MED12L: variants seen among roughly 807,000 people sequenced by gnomAD.
MED12L encodes the protein mediator complex subunit 12L.
MED12L carries 60 observed loss-of-function variants against 281.3 expected under a neutral mutation model. The observed-to-expected ratio is 0.21, with a 90% CI of 0.17 to 0.26. MED12L has a LOEUF of 0.26. Among genes scored for constraint, MED12L ranks in the 10% least tolerant of loss-of-function variants. The pLI is 1.00. For synonymous variants in MED12L, 974 were observed against 987.2 expected, an observed-to-expected ratio of 0.99 and a Z score of 0.25; for missense variants, 2,146 against 2,680.9, an observed-to-expected ratio of 0.80 and a Z score of 4.41.
At chr3:151,339,307 C>T (rs563624922) in intron 16 of MED12L, among the ~76,000 whole-genome samples, 90 of 151,444 alleles carry the variant, frequency 5.9e-4, no homozygotes, top group African/African-American at 2.0e-3. Flanking sequence ...ACTGTAGTAC[C>T]GTCAAAACAG....
intron 5 of MED12L, among the ~76,000 whole-genome samples, chr3:151,137,708 T>C (rs780680806): frequency 6.6e-6 from 1 of 152,210 alleles, no homozygotes; most frequent in Non-Finnish European, 1.5e-5. Context: ...AACAATCAAA[T>C]GATTTCTAGT....
intron 2 of MED12L, among the ~76,000 whole-genome samples, chr3:151,090,111 T>G (rs1380439025): frequency 6.6e-6 from 1 of 152,100 alleles, no homozygotes; most frequent in African/African-American, 2.4e-5. Flanking sequence ...ACTCAGCTCT[T>G]CTCACCTTAG....
intron 13 of MED12L, among the ~76,000 whole-genome samples, chr3:151,190,140 C>T (rs1286822683): frequency 6.6e-6 from 1 of 151,376 alleles, no homozygotes; most frequent in Non-Finnish European, 1.5e-5. Context: ...TGCTTTTTTA[C>T]ATTAGTACTT....
At chr3:151,257,154 A>G (rs1251304506) in intron 16 of MED12L, among the ~76,000 whole-genome samples, 1 of 152,208 alleles carries the variant, frequency 6.6e-6, no homozygotes, top group East Asian at 1.9e-4. Flanking sequence ...ACCATTTGGA[A>G]TGATTTTGAA....
At chr3:151,127,660 A>G (rs1263103712) in intron 4 of MED12L, among the ~76,000 whole-genome samples, 165 bp from the exon 5 acceptor site, 1 of 152,224 alleles carries the variant, frequency 6.6e-6, no homozygotes, top group Non-Finnish European at 1.5e-5. Flanking sequence ...TTCCTTTAAA[A>G]AAACAAAAAC....
At chr3:151,198,459 T>C in intron 16 of MED12L, 1 of 1,610,494 alleles carries the variant, frequency 6.2e-7, no homozygotes, top group Non-Finnish European at 8.5e-7. Flanking sequence ...AATTTTTCTT[T>C]CTGAGCCTTG....
At position 151,365,091 on chromosome 3, in the gene MED12L, C is replaced by G; in HGVS notation, c.3070C>G (p.Arg1024Gly). Residue 1024 changes from arginine (R) to glycine (G), a missense_variant, in exon 22 of 45, where the codon CGC becomes GGC. By Grantham distance (125) the Arg-to-Gly change is moderately radical. Transcript: ENST00000687756. ...MMDFIENPSA[R>G]SINYSMLGKI... ...GGATTTTATTGAGAATCCCTCAGCC[C>G]GCAGCATCAACTACTCAATGCTGGG... 1 of 1,614,038 alleles carries G rather than the reference C, an allele frequency of 6.2e-7. No individual in the cohort carries two copies. Among genetic ancestry groups the G allele is most frequent in the South Asian group, 1.1e-5 (1 of 91,078 alleles).
rs188653267 is a variant in MED12L at position 151,368,166 on chromosome 3, C to T, written c.3465C>T (p.Asp1155=). The change falls in exon 25 of 45, where the codon GAC becomes GAT. Residue 1155 remains aspartate, a synonymous_variant. Coordinates refer to ENST00000687756, the MANE Select transcript of MED12L (RefSeq NM_001393769.1). ...CTTTCCTAGCTTGTGGGGATGCGGA[C>T]GCCGAGCCTGGGGCGAGAATGACAT... ...SLLAAACGDA[D]AEPGARMTCR... 3.4e-4 allele frequency: 552 copies of T among 1,613,932 alleles called. 2 individuals are homozygous for T. The highest frequency in any genetic ancestry group is 2.0e-3 in the East Asian group (90 of 44,870).
At chr3:151,288,073 C>T (rs1743772693) in intron 16 of MED12L, among the ~76,000 whole-genome samples, 3 of 152,214 alleles carry the variant, frequency 2.0e-5, no homozygotes, top group African/African-American at 4.8e-5. Flanking sequence ...ATTCTTCTAT[C>T]TTTCCACAAA....
Position 151,435,077 on chromosome 3 carries a change from T to C in MED12L, c.*2273T>C, listed in dbSNP as rs75975383. 5.3e-5 allele frequency: 8 copies of C among 150,918 alleles called. No homozygotes were observed. Among genetic ancestry groups the C allele is most frequent in the South Asian group, 4.2e-4 (2 of 4,794 alleles). The allele number at this position is 150,918 out of a possible 1,614,324, so 9.3% of individuals were successfully genotyped here. ...TGAGAGGTTTCTTTTTTTTTTTTTT[T>C]TTTTTCTTTTCTTGCAAATGCATTC... On this transcript the variant is annotated 3_prime_UTR_variant, in exon 45 of 45. Coordinates refer to ENST00000687756, the MANE Select transcript of MED12L (RefSeq NM_001393769.1).
chr3:151,323,249 C>A (rs1749199493), intron 16 of MED12L, among the ~76,000 whole-genome samples: 1 of 152,198 alleles, frequency 6.6e-6, no homozygotes, highest in South Asian at 2.1e-4. Context: ...TTCTTGCCTG[C>A]ATACATGGAA....
At chr3:151,306,345 A>T (rs1746648778) in intron 16 of MED12L, among the ~76,000 whole-genome samples, 1 of 152,196 alleles carries the variant, frequency 6.6e-6, no homozygotes, top group African/African-American at 2.4e-5. Flanking sequence ...GTTAATAGTC[A>T]CAGTGGAGCT....
At chr3:151,217,200 C>T (rs58321514) in intron 16 of MED12L, among the ~76,000 whole-genome samples, 2 of 152,136 alleles carry the variant, frequency 1.3e-5, no homozygotes, top group East Asian at 3.8e-4. Flanking sequence ...GTAGAAGCCA[C>T]TATTTATAGA....
intron 16 of MED12L, among the ~76,000 whole-genome samples, chr3:151,282,868 T>C (rs574848220): frequency 2.6e-4 from 39 of 152,360 alleles, no homozygotes; most frequent in African/African-American, 8.7e-4. Flanking sequence ...AAACATTGAA[T>C]GCAGACATGC....
At chr3:151,330,295 A>T (rs755235912) in intron 16 of MED12L, among the ~76,000 whole-genome samples, 2 of 152,220 alleles carry the variant, frequency 1.3e-5, no homozygotes, top group South Asian at 4.1e-4. Flanking sequence ...GCAAATCCAG[A>T]TAGAGATATT....
intron 43 of MED12L, among the ~76,000 whole-genome samples, chr3:151,429,008 G>A (rs548159385): frequency 1.6e-4 from 24 of 152,294 alleles, no homozygotes; most frequent in African/African-American, 4.6e-4. Context: ...TTGCACTGGC[G>A]TTGGGTAATT....
At chr3:151,098,009 G>A (rs16863153) in intron 2 of MED12L, among the ~76,000 whole-genome samples, 3,139 of 152,300 alleles carry the variant, frequency 0.021, 118 homozygotes, top group East Asian at 0.17. Flanking sequence ...ATTCCAGGAC[G>A]AAGGAGCAGC....
intron 39 of MED12L, among the ~76,000 whole-genome samples, chr3:151,398,998 C>T (rs1230161237): frequency 7.0e-6 from 1 of 143,202 alleles, no homozygotes; most frequent in Non-Finnish European, 1.6e-5. Flanking sequence ...CAGTTTTCTG[C>T]AGGTAACTGA....
chr3:151,151,146 T>A (rs1275918948), intron 5 of MED12L, among the ~76,000 whole-genome samples: 1 of 149,066 alleles, frequency 6.7e-6, no homozygotes, highest in Non-Finnish European at 1.5e-5. Flanking sequence ...CACGCCATTC[T>A]CCTGCCTCAG....
Sources: allele counts gnomAD v4.1 joint callset (sites outside exome capture counted in the v4.1 genomes callset), GRCh38; gene constraint gnomAD v4.1.1; transcripts MANE v1.5; gene names NCBI Gene and HGNC (gene_info 2026-07-23, HGNC 2026-07-21).